Variants in FARS2 observed in about 807,000 individuals in gnomAD.
The protein encoded by FARS2 is phenylalanyl-tRNA synthetase 2, mitochondrial.
In FARS2, 40 loss-of-function variants were observed where a neutral mutation model predicts 46.4. The observed-to-expected ratio is 0.86, with a 90% confidence interval of 0.67 to 1.12. FARS2 has a LOEUF of 1.12. Among genes scored for constraint, FARS2 ranks in the 50% most tolerant of loss-of-function variants. The pLI is 0.00. For missense variants in FARS2, 513 were observed against 567.9 expected (o/e 0.90, Z 0.98); for synonymous variants, 234 against 214.9 (o/e 1.09, Z -0.78).
At chr6:5,758,211 A>T (rs59058623) in intron 6 of FARS2, among the ~76,000 whole-genome samples, 1 of 151,574 alleles carries the variant, frequency 6.6e-6, no homozygotes, top group African/African-American at 2.4e-5. Context: ...TTTTTTTTTT[A>T]AAGAATTTTT....
intron 4 of FARS2, among the ~76,000 whole-genome samples, chr6:5,487,572 T>C (rs1242076540): frequency 6.6e-6 from 1 of 152,188 alleles, no homozygotes; most frequent in Non-Finnish European, 1.5e-5. Flanking sequence ...CTAGAGAAGA[T>C]AATTTGCCTG....
Position 5,278,857 on chromosome 6 carries a change from T to A in FARS2, c.-22+17197T>A, listed in dbSNP as rs115434445. 3.4e-3 allele frequency among the ~76,000 whole-genome samples: 518 copies of A among 152,264 alleles called. 2 individuals are homozygous for A. Among genetic ancestry groups the A allele is most frequent in the African/African-American group, 0.012 (501 of 41,562 alleles). On this transcript the variant is annotated intron_variant, in intron 1 of 6. Transcript: ENST00000274680. ...TGCAGAGAGAAAGGAAATGCCTAGA[T>A]GGTTTGGCTTCCACTAAGTAGAGAG...
At chr6:5,692,386 C>T (rs1757803920) in intron 6 of FARS2, among the ~76,000 whole-genome samples, 1 of 152,180 alleles carries the variant, frequency 6.6e-6, no homozygotes. Context: ...CCTCAGCTGC[C>T]AAAGTAATAA....
intron 6 of FARS2, among the ~76,000 whole-genome samples, chr6:5,745,839 C>G (rs188184270): frequency 6.6e-6 from 1 of 152,198 alleles, no homozygotes; most frequent in African/African-American, 2.4e-5. Flanking sequence ...TGCACCCCAC[C>G]AATCAATAGA....
intron 1 of FARS2, among the ~76,000 whole-genome samples, chr6:5,285,452 A>G (rs987086847): frequency 6.6e-6 from 1 of 152,158 alleles, no homozygotes; most frequent in Admixed American, 6.5e-5. Context: ...CTTAATGTGT[A>G]TTATACCTTT....
At chr6:5,445,258 T>TG (rs1764118547) in intron 4 of FARS2, among the ~76,000 whole-genome samples, 1 of 152,204 alleles carries the variant, frequency 6.6e-6, no homozygotes, top group African/African-American at 2.4e-5. Context: ...ATGAAACTCT[T>TG]GCTTCATGGG....
intron 3 of FARS2, among the ~76,000 whole-genome samples, chr6:5,427,476 A>T (rs1303376661): frequency 2.0e-5 from 3 of 152,194 alleles, no homozygotes; most frequent in Non-Finnish European, 4.4e-5. Context: ...TGGTGTATAG[A>T]TTTGGCATTC....
intron 1 of FARS2, among the ~76,000 whole-genome samples, chr6:5,353,784 A>G (rs569302355): frequency 1.5e-4 from 15 of 100,900 alleles, no homozygotes; most frequent in Non-Finnish European, 2.7e-4. Flanking sequence ...GATATTCTGA[A>G]TATTAACCCC....
intron 6 of FARS2, among the ~76,000 whole-genome samples, chr6:5,685,767 G>A (rs1284692711): frequency 1.3e-5 from 2 of 152,168 alleles, no homozygotes; most frequent in African/African-American, 4.8e-5. Flanking sequence ...CAGAGCTGAG[G>A]CCGCACTCAA....
rs1253379508 is a variant in FARS2, at chr6:5,498,063, G to A, written c.905-47117G>A. 3.9e-5 allele frequency among the ~76,000 whole-genome samples: 6 copies of A among 152,320 alleles called. No individual in the cohort carries two copies. In the East Asian group the frequency reaches 1.2e-3, roughly 29 times the overall value. ...TACTGTGCTGGGGGCCCTGGGGAAT[G>A]GAAGGGACTCTCTAGGGGTGTTTAG... is the stretch of plus-strand genomic sequence containing the variant. On this transcript the variant is annotated intron_variant, in intron 4 of 6. Coordinates refer to ENST00000274680, the MANE Select transcript of FARS2 (RefSeq NM_006567.5).
intron 6 of FARS2, among the ~76,000 whole-genome samples, chr6:5,729,567 A>G (rs2150934150): frequency 6.6e-6 from 1 of 152,212 alleles, no homozygotes; most frequent in South Asian, 2.1e-4. Flanking sequence ...TGCTCATTGT[A>G]TTTTTCTCTT....
At chr6:5,407,053 AT>A (rs370016329) in intron 3 of FARS2, among the ~76,000 whole-genome samples, 12 of 137,074 alleles carry the variant, frequency 8.8e-5, no homozygotes, top group South Asian at 7.5e-4. Context: ...TTATATATAT[AT>A]ATATATATAT....
At chr6:5,351,805 A>G (rs780207152) in intron 1 of FARS2, among the ~76,000 whole-genome samples, 1 of 152,340 alleles carries the variant, frequency 6.6e-6, no homozygotes, top group African/African-American at 2.4e-5. Flanking sequence ...TACAATCTCA[A>G]TTCACACATC....
chr6:5,484,444 T>C (rs1435703749), intron 4 of FARS2, among the ~76,000 whole-genome samples: 1 of 152,240 alleles, frequency 6.6e-6, no homozygotes, highest in Non-Finnish European at 1.5e-5. Flanking sequence ...CTGTCCAGTA[T>C]GGTAGCCACT....
intron 6 of FARS2, among the ~76,000 whole-genome samples, chr6:5,691,791 G>A (rs1419853969): frequency 6.6e-6 from 1 of 152,236 alleles, no homozygotes; most frequent in African/African-American, 2.4e-5. Context: ...CAGAGGTAGA[G>A]TCTACAGAGG....
intron 1 of FARS2, among the ~76,000 whole-genome samples, chr6:5,326,763 A>G (rs970658895): frequency 1.3e-5 from 2 of 152,094 alleles, no homozygotes; most frequent in Admixed American, 1.3e-4. Flanking sequence ...GTGTCATCAG[A>G]TGGTCATCAC....
At chr6:5,461,020 A>T (rs1468061251) in intron 4 of FARS2, among the ~76,000 whole-genome samples, 3 of 149,886 alleles carry the variant, frequency 2.0e-5, no homozygotes, top group African/African-American at 7.4e-5. Context: ...GCTTGTTTTG[A>T]TGGACTGCAG....
At chr6:5,349,785 T>A (rs1757455919) in intron 1 of FARS2, among the ~76,000 whole-genome samples, 1 of 152,214 alleles carries the variant, frequency 6.6e-6, no homozygotes, top group East Asian at 1.9e-4. Context: ...TTCTGGTGAC[T>A]TTGACAATTT....
rs1190838652 is a variant in FARS2 at position 5,641,453 on chromosome 6, C to T, written c.1217+28133C>T. Among the ~76,000 whole-genome samples, 6 of 152,278 alleles carry T rather than the reference C, an allele frequency of 3.9e-5. 1 individual carries two copies. Among genetic ancestry groups the T allele is most frequent in the Admixed American group, 1.3e-4 (2 of 15,304 alleles). ...CTGGGATTACAGGTGCCCACCACCA[C>T]GCCCAGCTAATGTTTGTATTTTTAG... On this transcript the variant is annotated intron_variant, in intron 6 of 6. Coordinates refer to ENST00000274680, the MANE Select transcript of FARS2 (RefSeq NM_006567.5).
Sources: gnomAD v4.1 joint callset for allele counts (sites outside exome capture counted in the v4.1 genomes callset) on GRCh38, gnomAD v4.1.1 for gene constraint, MANE v1.5 for transcripts, NCBI Gene and HGNC (gene_info 2026-07-23, HGNC 2026-07-21) for gene names.